Variants in ATP2B4 observed in about 807,000 individuals in gnomAD.
ATP2B4 encodes ATPase plasma membrane Ca2+ transporting 4, also known as plasma membrane calcium-transporting ATPase 4.
A neutral mutation model predicts 110.3 loss-of-function variants in ATP2B4; 39 were observed. That is an observed-to-expected ratio of 0.35 (90% CI 0.27 to 0.46). The LOEUF is 0.46. ATP2B4 is among the 20% of genes least tolerant of loss of function. The pLI is 1.00. For synonymous variants in ATP2B4, 538 were observed against 571.7 expected, an observed-to-expected ratio of 0.94 and a Z score of 0.84; for missense variants, 1,135 against 1,530.9, an observed-to-expected ratio of 0.74 and a Z score of 4.32.
At chr1:203,697,933 A>G (rs1194610950) in intron 2 of ATP2B4, among the ~76,000 whole-genome samples, 1 of 151,928 alleles carries the variant, frequency 6.6e-6, no homozygotes. Context: ...TCGAACTCCT[A>G]AACATAAGCA....
chr1:203,677,621 C>A (rs985901481), intron 1 of ATP2B4, among the ~76,000 whole-genome samples: 1 of 152,194 alleles, frequency 6.6e-6, no homozygotes, highest in Non-Finnish European at 1.5e-5. Flanking sequence ...CACCACCATG[C>A]CCAGCTAATT....
chr1:203,657,603 T>G, intron 1 of ATP2B4: 1 of 973,256 alleles, frequency 1.0e-6, no homozygotes, highest in Non-Finnish European at 1.7e-6. Flanking sequence ...AAGGTAAAGC[T>G]TAGCCTTCAG....
intron 1 of ATP2B4, among the ~76,000 whole-genome samples, chr1:203,645,791 A>ATC (rs1663780930): frequency 6.6e-6 from 1 of 151,958 alleles, no homozygotes; most frequent in South Asian, 2.1e-4. Flanking sequence ...GGGTTCCACC[A>ATC]TCTTGGTCAG....
chr1:203,672,026 G>GA (rs1664678967), intron 1 of ATP2B4, among the ~76,000 whole-genome samples: 1 of 152,216 alleles, frequency 6.6e-6, no homozygotes, highest in South Asian at 2.1e-4. Context: ...GGGGGCTGGG[G>GA]GGAGGGAGGA....
chr1:203,704,371 G>T (rs116087671), intron 8 of ATP2B4, among the ~76,000 whole-genome samples: 1,670 of 150,116 alleles, frequency 0.011, 30 homozygotes, highest in African/African-American at 0.039. Context: ...ACATTTTCCT[G>T]TCTCACCACC....
chr1:203,719,390 ATTC>A (rs1427758981), intron 15 of ATP2B4, among the ~76,000 whole-genome samples: 1 of 151,630 alleles, frequency 6.6e-6, no homozygotes, highest in Non-Finnish European at 1.5e-5. Flanking sequence ...TTTTTGGTGT[ATTC>A]TTCTGTTTGC....
At chr1:203,709,261 G>A in intron 10 of ATP2B4, 40 bp from the exon 11 acceptor site, 5 of 1,609,876 alleles carry the variant, frequency 3.1e-6, no homozygotes, top group Non-Finnish European at 4.2e-6. Flanking sequence ...CCTTGTCAAG[G>A]CATCTTACTC....
chr1:203,644,924 G>A (rs2102309972), intron 1 of ATP2B4, among the ~76,000 whole-genome samples: 1 of 152,288 alleles, frequency 6.6e-6, no homozygotes, highest in Non-Finnish European at 1.5e-5. Context: ...TGGCCACTAT[G>A]CCAAGGTGGA....
chr1:203,662,351 G>A (rs1036177432), intron 1 of ATP2B4, among the ~76,000 whole-genome samples: 10 of 151,998 alleles, frequency 6.6e-5, no homozygotes, highest in Middle Eastern at 3.2e-3. Flanking sequence ...TAAGTAGACC[G>A]TTCAGTGGTA....
chr1:203,687,997 T>G (rs79624447), intron 2 of ATP2B4, among the ~76,000 whole-genome samples: 4,036 of 52,886 alleles, frequency 0.076, 124 homozygotes, highest in East Asian at 0.31. Context: ...AGAAAGAGAT[T>G]ATTATTATTA....
chr1:203,662,288 A>T (rs1406195868), intron 1 of ATP2B4, among the ~76,000 whole-genome samples: 1 of 152,148 alleles, frequency 6.6e-6, no homozygotes, highest in East Asian at 1.9e-4. Context: ...AGCCTCCCAA[A>T]GTGTTGGGAT....
intron 20 of ATP2B4, among the ~76,000 whole-genome samples, chr1:203,738,096 AC>A (rs760000683): frequency 2.0e-5 from 3 of 151,746 alleles, no homozygotes; most frequent in Non-Finnish European, 4.4e-5. Context: ...GAGGTACCCT[AC>A]CCCCACCTTC....
At chr1:203,680,808 A>C (rs1664991202) in intron 1 of ATP2B4, among the ~76,000 whole-genome samples, 1 of 152,192 alleles carries the variant, frequency 6.6e-6, no homozygotes, top group Non-Finnish European at 1.5e-5. Context: ...AGTCCTGAGA[A>C]GGCTAAGTAA....
Position 203,729,680 on chromosome 1 carries a change from C to T in ATP2B4, c.3309+2109C>T, listed in dbSNP as rs371434823. 1.5e-4 allele frequency: 186 copies of T among 1,281,514 alleles called. No individual in the cohort carries two copies. In the African/African-American group the frequency reaches 2.4e-3, roughly 17 times the overall value. The allele number at this position is 1,281,514 out of a possible 1,614,324, so 79.4% of individuals were successfully genotyped here. A position where few individuals can be genotyped will look rare whatever the true frequency, so the allele number is the denominator to read the frequency against. On this transcript the variant is annotated intron_variant, in intron 20 of 20. Coordinates refer to ENST00000357681, the MANE Select transcript of ATP2B4 (RefSeq NM_001684.5). ...CTGTGGCTGCCTCACCTATCCAGGG[C>T]GATGCAGCTCCCTGGGGACACAGGT... is the stretch of plus-strand genomic sequence containing the variant.
chr1:203,691,295 G>A (rs1369601821), intron 2 of ATP2B4, among the ~76,000 whole-genome samples: 2 of 152,216 alleles, frequency 1.3e-5, no homozygotes, highest in South Asian at 2.1e-4. Context: ...ACCATTAGCT[G>A]TTGGGAAGAA....
intron 2 of ATP2B4, among the ~76,000 whole-genome samples, chr1:203,696,648 C>T (rs1297106998): frequency 1.3e-5 from 2 of 152,220 alleles, no homozygotes; most frequent in African/African-American, 4.8e-5. Context: ...AAGGGTAGCC[C>T]CACCTGGGGA....
chr1:203,669,162 G>GA (rs1664588927), intron 1 of ATP2B4, among the ~76,000 whole-genome samples: 2 of 152,294 alleles, frequency 1.3e-5, no homozygotes, highest in South Asian at 4.1e-4. Context: ...TAGGAGTTTA[G>GA]AATCAACTGG....
intron 17 of ATP2B4, among the ~76,000 whole-genome samples, chr1:203,721,744 C>T (rs1481755296): frequency 6.7e-6 from 1 of 148,390 alleles, no homozygotes; most frequent in East Asian, 2.0e-4. Flanking sequence ...GTCACTGCAA[C>T]GTCTGCCTCC....
chr1:203,665,905 A>T (rs953063703), intron 1 of ATP2B4, among the ~76,000 whole-genome samples: 1 of 152,106 alleles, frequency 6.6e-6, no homozygotes, highest in South Asian at 2.1e-4. Flanking sequence ...AGACTTTTCC[A>T]TCTACGTGGC....
Sources: gnomAD v4.1 joint callset for allele counts (sites outside exome capture counted in the v4.1 genomes callset) on GRCh38, gnomAD v4.1.1 for gene constraint, MANE v1.5 for transcripts, NCBI Gene and HGNC (gene_info 2026-07-23, HGNC 2026-07-21) for gene names.